Variants in DENND2B observed in about 807,000 individuals in gnomAD.
The protein encoded by DENND2B is DENN domain containing 2B.
DENND2B carries 32 observed loss-of-function variants against 116.0 expected under a neutral mutation model. The ratio of observed to expected loss-of-function variants is 0.28; its 90% CI spans 0.21 to 0.37. The LOEUF is 0.37. Ranked by LOEUF, DENND2B falls within the 10% of genes least tolerant of loss-of-function variation. DENND2B has a pLI of 1.00. For synonymous variants in DENND2B, 588 were observed against 583.9 expected (o/e 1.01, Z -0.10); for missense variants, 1,276 against 1,477.7 (o/e 0.86, Z 2.24).
intron 4 of DENND2B, among the ~76,000 whole-genome samples, chr11:8,719,897 C>A (rs1194443307): frequency 6.6e-6 from 1 of 152,190 alleles, no homozygotes; most frequent in East Asian, 1.9e-4. Context: ...TATAGGAAGC[C>A]TTGTCCCAAT....
At chr11:8,717,339 G>A (rs2045072699) in intron 5 of DENND2B, among the ~76,000 whole-genome samples, 1 of 152,212 alleles carries the variant, frequency 6.6e-6, no homozygotes, top group Non-Finnish European at 1.5e-5. Flanking sequence ...ACTTCTGGCA[G>A]AGTTGCAGAA....
chr11:8,704,584 G>A (rs2042269801), intron 13 of DENND2B, among the ~76,000 whole-genome samples: 1 of 152,164 alleles, frequency 6.6e-6, no homozygotes, highest in Non-Finnish European at 1.5e-5. Context: ...CAGCAAGCCT[G>A]GTATGCTTTT....
chr11:8,719,991 T>C (rs1382798964), intron 4 of DENND2B, among the ~76,000 whole-genome samples: 1 of 152,188 alleles, frequency 6.6e-6, no homozygotes, highest in Non-Finnish European at 1.5e-5. Context: ...TTAGGATGTT[T>C]AGTGGCAACC....
chr11:8,700,453 TCTC>T (rs1472065707), intron 14 of DENND2B, among the ~76,000 whole-genome samples: 1 of 152,120 alleles, frequency 6.6e-6, no homozygotes, highest in African/African-American at 2.4e-5. Context: ...CCTCCTTTCT[TCTC>T]CTGGGCTGAG....
chr11:8,721,775 G>A (rs1025805707), intron 4 of DENND2B, among the ~76,000 whole-genome samples: 2 of 152,202 alleles, frequency 1.3e-5, no homozygotes, highest in African/African-American at 4.8e-5. Flanking sequence ...CTGTTTCCCA[G>A]CCTGGGGGCA....
chr11:8,714,091 G>T, intron 7 of DENND2B, 49 bp from the exon 8 acceptor site: 3 of 1,598,836 alleles, frequency 1.9e-6, no homozygotes, highest in Non-Finnish European at 1.7e-6. Context: ...CACAGCCAAT[G>T]TTTTTTGCTC....
intron 2 of DENND2B, among the ~76,000 whole-genome samples, chr11:8,735,831 G>T (rs1592928019): frequency 6.6e-6 from 1 of 152,254 alleles, no homozygotes; most frequent in Non-Finnish European, 1.5e-5. Context: ...AGGATGTCTA[G>T]ATCCTCGTGA....
intron 4 of DENND2B, among the ~76,000 whole-genome samples, chr11:8,836,260 G>T (rs1445867000): frequency 6.6e-6 from 1 of 151,420 alleles, no homozygotes. Context: ...CAATTATGGA[G>T]CTCTTCTGCC....
chr11:8,817,076 G>A (rs531418443), intron 4 of DENND2B, among the ~76,000 whole-genome samples: 1 of 152,288 alleles, frequency 6.6e-6, no homozygotes, highest in South Asian at 2.1e-4. Context: ...GAAGAAAGGT[G>A]CTAAATTACA....
intron 1 of DENND2B, among the ~76,000 whole-genome samples, chr11:8,904,965 T>C (rs927104760): frequency 2.0e-5 from 3 of 152,174 alleles, no homozygotes; most frequent in African/African-American, 7.2e-5. Flanking sequence ...ATTGTTAAGA[T>C]TGCAATTCTT....
chr11:8,710,716 T>C, intron 11 of DENND2B, 129 bp downstream of exon 11: 3 of 988,570 alleles, frequency 3.0e-6, no homozygotes, highest in Non-Finnish European at 4.6e-6. Flanking sequence ...TCAGGAAGCA[T>C]AACATAGGAT....
intron 1 of DENND2B, among the ~76,000 whole-genome samples, chr11:8,791,550 C>G (rs1431651670): frequency 6.6e-6 from 1 of 151,486 alleles, no homozygotes; most frequent in Admixed American, 6.6e-5. Flanking sequence ...GCGGATCGCT[C>G]AAGGTCAGGA....
intron 2 of DENND2B, among the ~76,000 whole-genome samples, chr11:8,740,363 A>G (rs1406280105): frequency 6.6e-6 from 1 of 152,146 alleles, no homozygotes; most frequent in East Asian, 1.9e-4. Flanking sequence ...CCTCTTCAGT[A>G]ACACAGGCCC....
intron 1 of DENND2B, among the ~76,000 whole-genome samples, chr11:8,903,474 T>TAAA (rs35974143): frequency 0.022 from 2,525 of 116,188 alleles, 30 homozygotes; most frequent in Non-Finnish European, 0.033. Flanking sequence ...ACCAAGATGT[T>TAAA]AAAAAAAAAA....
At chr11:8,883,338 G>T (rs1381412729) in intron 1 of DENND2B, among the ~76,000 whole-genome samples, 1 of 152,190 alleles carries the variant, frequency 6.6e-6, no homozygotes, top group Admixed American at 6.5e-5. Flanking sequence ...GTGAAGAAAA[G>T]AAAGACACTT....
intron 3 of DENND2B, among the ~76,000 whole-genome samples, chr11:8,850,832 A>C (rs1477196898): frequency 1.3e-5 from 2 of 152,220 alleles, no homozygotes; most frequent in African/African-American, 2.4e-5. Flanking sequence ...ACACAATGGA[A>C]TACTATTCAG....
chr11:8,693,782 C>A lies in DENND2B; in HGVS notation c.*314G>T. On this transcript the variant is annotated 3_prime_UTR_variant, in exon 20 of 20. Transcript: ENST00000313726. ...GGTTTGGCTGAGACAGTCAGCTGCA[C>A]AAAACTGGCCAGTCACGAGCACCCA... 6.5e-6 allele frequency: 2 copies of A among 307,098 alleles called. No homozygotes were observed. The highest frequency in any genetic ancestry group is 1.2e-5 in the Non-Finnish European group (2 of 165,376). The allele number at this position is 307,098 out of a possible 1,614,324, so 19.0% of individuals were successfully genotyped here.
At chr11:8,873,022 C>T (rs750263397), upstream of DENND2B, among the ~76,000 whole-genome samples, 1 of 152,154 alleles carries the variant, frequency 6.6e-6, no homozygotes, top group Non-Finnish European at 1.5e-5. Flanking sequence ...ATGGTTCTGC[C>T]CCAAACGTGG....
Position 8,717,774 on chromosome 11 carries a change from A to C in DENND2B, c.1596T>G (p.Pro532=). ...GCGGGCTGTTGTACTTCCTGTCCTG[A>C]GGACTCCACATCCTGTGCAAAGAGT... ...SLDSLHRMWS[P]QDRKYNSPPT... is the part of the protein sequence containing the mutation. Residue 532 remains proline (P), a synonymous_variant, in exon 5 of 20, where the codon CCT becomes CCG. Coordinates refer to ENST00000313726, the MANE Select transcript of DENND2B (RefSeq NM_213618.2). The C allele has an allele frequency of 1.3e-6, 2 of 1,599,200 alleles. No individual in the cohort carries two copies. Among genetic ancestry groups the C allele is most frequent in the South Asian group, 2.2e-5 (2 of 90,180 alleles).
Sources: gnomAD v4.1 joint callset for allele counts (sites outside exome capture counted in the v4.1 genomes callset) on GRCh38, gnomAD v4.1.1 for gene constraint, MANE v1.5 for transcripts, NCBI Gene and HGNC (gene_info 2026-07-23, HGNC 2026-07-21) for gene names.